PRR14L: variants seen among roughly 807,000 people sequenced by gnomAD.
PRR14L encodes protein PRR14L.
A neutral mutation model predicts 155.0 loss-of-function variants in PRR14L; 80 were observed. The ratio of observed to expected loss-of-function variants is 0.52; its 90% CI spans 0.43 to 0.62. PRR14L has a LOEUF of 0.62. PRR14L is among the 20% of genes least tolerant of loss of function. The pLI is 0.00. For synonymous variants in PRR14L, 883 were observed against 916.0 expected, an observed-to-expected ratio of 0.96 and a Z score of 0.65; for missense variants, 2,469 against 2,548.0, an observed-to-expected ratio of 0.97 and a Z score of 0.67.
Position 31,715,717 on chromosome 22 carries a change from G to T in PRR14L, c.2122C>A (p.Pro708Thr), listed in dbSNP as rs868325588. ...ADVIADIQTI[P>T]IQTKIKDISP... ...ATGTCTTTTATTTTTGTCTGAATGG[G>T]AATGGTTTGTATATCAGCAATGACA... Residue 708 changes from proline to threonine, a missense_variant, in exon 4 of 9, where the codon CCC becomes ACC. Coordinates refer to ENST00000327423, the MANE Select transcript of PRR14L (RefSeq NM_173566.3). 1.3e-5 allele frequency: 20 copies of T among 1,552,130 alleles called. No homozygotes were observed. The African/African-American group carries it at 2.7e-4, about 21-fold the overall frequency.
intron 2 of PRR14L, among the ~76,000 whole-genome samples, chr22:31,729,986 T>TA (rs1318159170): frequency 6.6e-6 from 1 of 151,116 alleles, no homozygotes; most frequent in Non-Finnish European, 1.5e-5. Context: ...CCATCTCTAC[T>TA]AAAATACAAA....
chr22:31,687,925 GA>G (rs1300074727), intron 8 of PRR14L, among the ~76,000 whole-genome samples: 2 of 151,024 alleles, frequency 1.3e-5, no homozygotes, highest in Admixed American at 6.6e-5. Context: ...CAGCTACTCG[GA>G]GAGGCTGAGG....
At chr22:31,720,218 A>G (rs1214949198) in intron 3 of PRR14L, among the ~76,000 whole-genome samples, 1 of 152,182 alleles carries the variant, frequency 6.6e-6, no homozygotes, top group Non-Finnish European at 1.5e-5. Flanking sequence ...ACTGGACCTG[A>G]GAACAGTTAA....
chr22:31,722,429 AAAAAG>A (rs1267617612), intron 3 of PRR14L, among the ~76,000 whole-genome samples: 6 of 151,012 alleles, frequency 4.0e-5, no homozygotes, highest in African/African-American at 1.2e-4. Flanking sequence ...AAAAAAAAAA[AAAAAG>A]AAAGAAAACT....
At position 31,685,290 on chromosome 22, in the gene PRR14L, G is replaced by A; in HGVS notation, c.*237C>T. ...TTCAGGTCCATTTCCAGGAGAAAGG[G>A]AGCATTCCTGAGGTTCTATACTCAG... On this transcript the variant is annotated 3_prime_UTR_variant, in exon 9 of 9. Coordinates refer to ENST00000327423, the MANE Select transcript of PRR14L (RefSeq NM_173566.3). The A allele has an allele frequency of 2.3e-6, 1 of 434,368 alleles. No homozygotes were observed. The highest frequency in any genetic ancestry group is 4.1e-6 in the Non-Finnish European group (1 of 245,112). 26.9% of individuals were successfully genotyped at this position (434,368 alleles called of 1,614,324 possible). A position where few individuals can be genotyped will look rare whatever the true frequency, so the allele number is the denominator to read the frequency against.
rs1220314275 is a variant in PRR14L at position 31,716,898 on chromosome 22, T to C, written c.941A>G (p.Gln314Arg). The C allele has an allele frequency of 6.4e-7, 1 of 1,551,964 alleles. No individual in the cohort carries two copies. The highest frequency in any genetic ancestry group is 8.7e-7 in the Non-Finnish European group (1 of 1,147,082). The change falls in exon 4 of 9, where the codon CAG (glutamine) becomes CGG (arginine). Residue 314 changes from glutamine to arginine, a missense_variant. By Grantham distance (43) the Gln-to-Arg change is conservative (BLOSUM62 1). Transcript: ENST00000327423. ...TTGTTCATTATGGTGGCCATGAAGCTGTTGGTGATTGTCATCTGCTTCACA... is the reference window on the plus strand; with the variant it reads ...TTGTTCATTATGGTGGCCATGAAGCCGTTGGTGATTGTCATCTGCTTCACA... ...LVCEADDNHQ[Q>R]LHGHHNEQPS...
At chr22:31,688,272 T>G in intron 7 of PRR14L, 45 bp from the exon 8 acceptor site, 1 of 1,497,088 alleles carries the variant, frequency 6.7e-7, no homozygotes, top group Non-Finnish European at 8.9e-7. Flanking sequence ...CTCTCTCTCT[T>G]TTTTTTTTCA....
intron 1 of PRR14L, among the ~76,000 whole-genome samples, chr22:31,739,394 T>C (rs73404108): frequency 0.026 from 3,934 of 152,312 alleles, 179 homozygotes; most frequent in African/African-American, 0.091. Flanking sequence ...TACTGACTTT[T>C]CCTCTTTGAG....
intron 1 of PRR14L, among the ~76,000 whole-genome samples, chr22:31,749,594 G>A (rs1569501726): frequency 2.0e-5 from 3 of 152,190 alleles, no homozygotes; most frequent in African/African-American, 7.2e-5. Flanking sequence ...CTCCTCCTCA[G>A]GATAAGTTCA....
Position 31,713,795 on chromosome 22 carries a change from G to A in PRR14L, c.4044C>T (p.Tyr1348=). The A allele has an allele frequency of 1.3e-6, 2 of 1,552,338 alleles. No homozygotes were observed. Among genetic ancestry groups the A allele is most frequent in the East Asian group, 2.4e-5 (1 of 40,928 alleles). Residue 1348 remains tyrosine (Y), a synonymous_variant, in exon 4 of 9, where the codon TAC becomes TAT. Coordinates refer to ENST00000327423, the MANE Select transcript of PRR14L (RefSeq NM_173566.3). ...TEEHQRGRLG[Y]LTVGEQSEEL... Reference sequence around the variant, plus strand: ...CCTCAGATTGCTCCCCAACAGTTAAGTAACCCAGTCGTCCCCTCTGATGCT... The same window carrying A: ...CCTCAGATTGCTCCCCAACAGTTAAATAACCCAGTCGTCCCCTCTGATGCT...
In PRR14L at chr22:31,716,525, TGGAGAAACAACA is replaced by T. The variant is rs762627554; in HGVS notation, c.1302_1313del (p.Val435_Pro438del). 6.5e-7 allele frequency: 1 copy of T among 1,545,782 alleles called. No individual in the cohort carries two copies. The highest frequency in any genetic ancestry group is 8.7e-7 in the Non-Finnish European group (1 of 1,145,570). ...TGCAGTTATTGTGGATATTTTCCTT[TGGAGAAACAACA>T]GGCTCTTTTTCACCAGAACAACGAC... On this transcript the variant is annotated inframe_deletion, in exon 4 of 9. Transcript: ENST00000327423.
At chr22:31,744,480 C>G (rs1237704283) in intron 1 of PRR14L, among the ~76,000 whole-genome samples, 2 of 152,034 alleles carry the variant, frequency 1.3e-5, no homozygotes, top group Admixed American at 6.6e-5. Context: ...TTATGTTGCC[C>G]AGGCTGGTCT....
At chr22:31,702,964 C>T (rs2074570220) in intron 6 of PRR14L, among the ~76,000 whole-genome samples, 1 of 151,862 alleles carries the variant, frequency 6.6e-6, no homozygotes, top group Non-Finnish European at 1.5e-5. Flanking sequence ...TGCAGGTGTG[C>T]ACCACCACAG....
rs773618371 is a variant in PRR14L, at chr22:31,703,656, T to C, written c.5894A>G (p.Lys1965Arg). The stretch of plus-strand genomic sequence containing the variant: ...GAACTCAGAGGCTGAAAGCAGGAGC[T>C]TGCTGACAGCTGATTCTGCTACCAA... ...SCLVAESAVS[K>R]LLLSASEFQV... Residue 1965 changes from lysine (K) to arginine (R), a missense_variant, in exon 6 of 9, where the codon AAG (lysine) becomes AGG (arginine). By Grantham distance (26) the Lys-to-Arg change is conservative. Around this residue, in one of 2 missense-constraint regions of PRR14L, gnomAD observed 2,363 missense variants for 2,371.6 expected, o/e 1.00. Coordinates refer to ENST00000327423, the MANE Select transcript of PRR14L (RefSeq NM_173566.3). 2 of 1,612,982 alleles carry C rather than the reference T, an allele frequency of 1.2e-6. No homozygotes were observed. Among genetic ancestry groups the C allele is most frequent in the Non-Finnish European group, 1.7e-6 (2 of 1,179,460 alleles).
chr22:31,745,861 A>AAAT lies in PRR14L; in HGVS notation c.-52+4131_-52+4132insATT, dbSNP rs1556487354. Among the ~76,000 whole-genome samples the AAAT allele has an allele frequency of 7.1e-3, 941 of 132,286 alleles. 12 individuals are homozygous for AAAT. The highest frequency in any genetic ancestry group is 0.026 in the African/African-American group (869 of 33,968). 86.8% of individuals were successfully genotyped at this position (132,286 alleles called of 152,430 possible). A position where few individuals can be genotyped will look rare whatever the true frequency, so the allele number is the denominator to read the frequency against. On this transcript the variant is annotated intron_variant, in intron 1 of 8. Coordinates refer to ENST00000327423, the MANE Select transcript of PRR14L (RefSeq NM_173566.3). The stretch of plus-strand genomic sequence containing the variant: ...CTCAGTTTAAAAAAAAAAAAAAAAA[A>AAAT]ATATATATATATATATAAGCCAAGT...
At chr22:31,697,092 G>A (rs2074538545) in intron 7 of PRR14L, among the ~76,000 whole-genome samples, 1 of 151,872 alleles carries the variant, frequency 6.6e-6, no homozygotes, top group Non-Finnish European at 1.5e-5. Flanking sequence ...TTCAGACTGG[G>A]CAACAAGGGT....
In PRR14L at chr22:31,713,737, G is replaced by T; in HGVS notation, c.4102C>A (p.Pro1368Thr). Residue 1368 changes from proline (P) to threonine (T), a missense_variant, in exon 4 of 9, where the codon CCC (proline) becomes ACC (threonine). Pro to Thr is a conservative substitution (Grantham distance 38). Around this residue, in one of 2 missense-constraint regions of PRR14L, gnomAD observed 2,363 missense variants for 2,371.6 expected, o/e 1.00. Transcript: ENST00000327423. ...LVTRETGDGDPVSNISQTHFK... is the reference protein window; with the variant it reads ...LVTRETGDGDTVSNISQTHFK... ...TGGGTCTGAGAGATGTTGCTCACGG[G>T]ATCGCCATCGCCAGTTTCTCTGGTA... 6.4e-7 allele frequency: 1 copy of T among 1,552,322 alleles called. No individual in the cohort carries two copies. Among genetic ancestry groups the T allele is most frequent in the Non-Finnish European group, 8.7e-7 (1 of 1,147,144 alleles).
intron 2 of PRR14L, among the ~76,000 whole-genome samples, chr22:31,733,106 A>G (rs2074759052): frequency 1.3e-5 from 2 of 150,654 alleles, no homozygotes; most frequent in African/African-American, 4.9e-5. Flanking sequence ...TCCTGCCTCA[A>G]CCTCCCGAGT....
At chr22:31,698,182 G>C (rs1199471528) in intron 7 of PRR14L, among the ~76,000 whole-genome samples, 1 of 151,590 alleles carries the variant, frequency 6.6e-6, no homozygotes. Context: ...CTGCCACCAT[G>C]CCTAGCTAAT....
Sources: gnomAD v4.1 joint callset for allele counts (sites outside exome capture counted in the v4.1 genomes callset) on GRCh38, gnomAD v4.1.1 for gene constraint, gnomAD v4.1.1 regional missense constraint, MANE v1.5 for transcripts, NCBI Gene and HGNC (gene_info 2026-07-23, HGNC 2026-07-21) for gene names.